The following ZNF608 variants were observed in gnomAD, a reference collection of about 807,000 sequenced individuals.
ZNF608 encodes the protein renal carcinoma antigen NY-REN-36.
ZNF608 carries 12 observed loss-of-function variants against 109.0 expected under a neutral mutation model. The observed-to-expected ratio is 0.11, with a 90% CI of 0.07 to 0.18. The LOEUF is 0.18. Ranked by LOEUF, ZNF608 falls within the 10% of genes least tolerant of loss-of-function variation. The pLI is 1.00. For synonymous variants in ZNF608, 732 were observed against 717.4 expected (o/e 1.02, Z -0.33); for missense variants, 1,707 against 1,879.3 (o/e 0.91, Z 1.70).
chr5:124,641,403 A>C lies in ZNF608; in HGVS notation c.4299T>G (p.Pro1433=). 2 of 1,602,882 alleles carry C rather than the reference A, an allele frequency of 1.2e-6. No homozygotes were observed. Among genetic ancestry groups the C allele is most frequent in the Non-Finnish European group, 1.7e-6 (2 of 1,172,590 alleles). ...CCCGCTCAGCTGTAGCCTTTTCCACAGGCTGCAACAGAAAAGAGAAATTTT... is the reference window on the plus strand; with the variant it reads ...CCCGCTCAGCTGTAGCCTTTTCCACCGGCTGCAACAGAAAAGAGAAATTTT... ...ANQYRSKSPA[P]VEKATAERER... Residue 1433 remains proline (P), a splice_region_variant and synonymous_variant, in exon 8 of 10, where the codon CCT becomes CCG. Transcript: ENST00000513986.
chr5:124,717,615 A>C (rs1753755783), intron 2 of ZNF608, among the ~76,000 whole-genome samples: 1 of 152,262 alleles, frequency 6.6e-6, no homozygotes, highest in Non-Finnish European at 1.5e-5. Context: ...CTCTGAAACA[A>C]TACAGTCCAA....
chr5:124,746,343 C>T lies in ZNF608; in HGVS notation c.-332G>A. 1.0e-6 allele frequency: 1 copy of T among 985,310 alleles called. No homozygotes were observed. The allele number at this position is 985,310 out of a possible 1,614,324, so 61.0% of individuals were successfully genotyped here. A position where few individuals can be genotyped will look rare whatever the true frequency, so the allele number is the denominator to read the frequency against. On this transcript the variant is annotated 5_prime_UTR_variant, in exon 1 of 10. Coordinates refer to ENST00000513986, the MANE Select transcript of ZNF608 (RefSeq NM_020747.3). Reference sequence around the variant, plus strand: ...AATAACACATCTCAGCCAGAATAATCACTCGATAACATTATTCCACCTCCC... The same window carrying T: ...AATAACACATCTCAGCCAGAATAATTACTCGATAACATTATTCCACCTCCC...
intron 3 of ZNF608, among the ~76,000 whole-genome samples, chr5:124,677,355 T>C (rs1751986544): frequency 6.6e-6 from 1 of 152,198 alleles, no homozygotes; most frequent in Admixed American, 6.5e-5. Context: ...TGAGGAGCCA[T>C]GGGAAACTGG....
chr5:124,660,976 C>A (rs1751233759), intron 3 of ZNF608, among the ~76,000 whole-genome samples: 3 of 152,186 alleles, frequency 2.0e-5, no homozygotes, highest in Admixed American at 2.0e-4. Flanking sequence ...GGTGACCAGG[C>A]TTACTATAAA....
intron 3 of ZNF608, among the ~76,000 whole-genome samples, chr5:124,660,172 C>CTGTGTG (rs35200784): frequency 6.0e-5 from 9 of 150,262 alleles, no homozygotes; most frequent in African/African-American, 2.0e-4. Flanking sequence ...TCTCTTAACT[C>CTGTGTG]TGTGTGTGTG....
rs1193897195 is a variant in ZNF608 at position 124,647,582 on chromosome 5, T to C, written c.2802A>G (p.Thr934=). ...QNGAESSAAK[T]SSPAYSDISD... is the part of the protein sequence containing the mutation. ...ATATGTCTGAATAGGCCGGGCTGCT[T>C]GTCTTTGCAGCTGAACTCTCTGCCC... Residue 934 remains threonine, a synonymous_variant, in exon 5 of 10, where the codon ACA becomes ACG. Coordinates refer to ENST00000513986, the MANE Select transcript of ZNF608 (RefSeq NM_020747.3). 1 of 1,614,234 alleles carries C rather than the reference T, an allele frequency of 6.2e-7. No individual in the cohort carries two copies. The highest frequency in any genetic ancestry group is 2.2e-5 in the East Asian group (1 of 44,886).
intron 2 of ZNF608, among the ~76,000 whole-genome samples, chr5:124,739,403 G>C (rs543189510): frequency 4.6e-5 from 7 of 152,304 alleles, no homozygotes; most frequent in Admixed American, 3.9e-4. Flanking sequence ...GTAAACACCA[G>C]TCCACAGCAA....
At chr5:124,740,220 T>C (rs1749327472) in intron 2 of ZNF608, among the ~76,000 whole-genome samples, 1 of 152,112 alleles carries the variant, frequency 6.6e-6, no homozygotes, top group Non-Finnish European at 1.5e-5. Context: ...ATTACACAAA[T>C]ACCTAAGTTC....
At chr5:124,709,747 T>C (rs1753415708) in intron 2 of ZNF608, among the ~76,000 whole-genome samples, 1 of 152,226 alleles carries the variant, frequency 6.6e-6, no homozygotes, top group Non-Finnish European at 1.5e-5. Flanking sequence ...TCATATCTTG[T>C]TCATAAGAGT....
intron 3 of ZNF608, among the ~76,000 whole-genome samples, chr5:124,682,369 G>A (rs113373480): frequency 0.052 from 7,892 of 152,290 alleles, 638 homozygotes; most frequent in African/African-American, 0.17. Context: ...CACTGTGCCC[G>A]GCCTACCATG....
At position 124,745,121 on chromosome 5, in the gene ZNF608, C is replaced by G. The variant is rs978840478; in HGVS notation, c.-132G>C. The stretch of plus-strand genomic sequence containing the variant: ...TCTAATCTTCCTCTTCTTTTTCCTG[C>G]CCCACGAATGTGTCCAGGGATTTTA... On this transcript the variant is annotated 5_prime_UTR_variant, in exon 2 of 10. Coordinates refer to ENST00000513986, the MANE Select transcript of ZNF608 (RefSeq NM_020747.3). 6.9e-7 allele frequency: 1 copy of G among 1,444,778 alleles called. No homozygotes were observed. Among genetic ancestry groups the G allele is most frequent in the African/African-American group, 1.4e-5 (1 of 69,800 alleles). 89.5% of individuals were successfully genotyped at this position (1,444,778 alleles called of 1,614,324 possible).
chr5:124,661,796 C>G (rs1751275038), intron 3 of ZNF608, among the ~76,000 whole-genome samples: 1 of 152,362 alleles, frequency 6.6e-6, no homozygotes, highest in Non-Finnish European at 1.5e-5. Flanking sequence ...CAGTCACACA[C>G]AGCCAGCTAA....
Position 124,700,995 on chromosome 5 carries a change from A to G in ZNF608, c.1162+19T>C. 1.2e-6 allele frequency: 2 copies of G among 1,611,906 alleles called. No homozygotes were observed. The highest frequency in any genetic ancestry group is 1.3e-5 in the African/African-American group (1 of 74,944). ...GGGAAGAGGGCATCGGGAAATATAT[A>G]AAAATAAATTGTATTTACCTTCTTC... On this transcript the variant is annotated intron_variant, in intron 3 of 9. Coordinates refer to ENST00000513986, the MANE Select transcript of ZNF608 (RefSeq NM_020747.3).
At chr5:124,732,541 G>T (rs921113861) in intron 2 of ZNF608, among the ~76,000 whole-genome samples, 29 of 134,818 alleles carry the variant, frequency 2.2e-4, no homozygotes, top group East Asian at 6.4e-4. Flanking sequence ...TTTTTTGTTT[G>T]TTCAAAAAAA....
At chr5:124,685,448 C>T (rs1752369365) in intron 3 of ZNF608, among the ~76,000 whole-genome samples, 1 of 152,158 alleles carries the variant, frequency 6.6e-6, no homozygotes, top group Admixed American at 6.5e-5. Flanking sequence ...TCTGTAAACA[C>T]CAGACTATTC....
chr5:124,683,142 A>C (rs368536755), intron 3 of ZNF608, among the ~76,000 whole-genome samples: 1 of 152,154 alleles, frequency 6.6e-6, no homozygotes, highest in Non-Finnish European at 1.5e-5. Flanking sequence ...GTGAGGAATT[A>C]AAGCCTGCCA....
rs536406229 is a variant in ZNF608, at chr5:124,638,412, A to G, written c.4533-506T>C. Among the ~76,000 whole-genome samples, 525 of 151,544 alleles carry G rather than the reference A, an allele frequency of 3.5e-3. 2 individuals carry two copies. The highest frequency in any genetic ancestry group is 0.012 in the African/African-American group (513 of 41,260). Reference sequence around the variant, plus strand: ...GCTGGAATTACAGACGCACACCACCACGCCCAGCTAATTTTTGTATTTTTA... The same window carrying G: ...GCTGGAATTACAGACGCACACCACCGCGCCCAGCTAATTTTTGTATTTTTA... On this transcript the variant is annotated intron_variant, in intron 9 of 9. Coordinates refer to ENST00000513986, the MANE Select transcript of ZNF608 (RefSeq NM_020747.3).
intron 1 of ZNF608, among the ~76,000 whole-genome samples, chr5:124,745,608 A>C (rs1024293115): frequency 6.6e-6 from 1 of 152,202 alleles, no homozygotes; most frequent in Non-Finnish European, 1.5e-5. Flanking sequence ...TAGATCTTGC[A>C]ATTTAGAAGA....
At chr5:124,660,611 C>A (rs1327486987) in intron 3 of ZNF608, among the ~76,000 whole-genome samples, 1 of 152,200 alleles carries the variant, frequency 6.6e-6, no homozygotes, top group African/African-American at 2.4e-5. Flanking sequence ...GGCAGACTCA[C>A]CTGTTCACAA....
Sources: gnomAD v4.1 joint callset for allele counts (sites outside exome capture counted in the v4.1 genomes callset) on GRCh38, gnomAD v4.1.1 for gene constraint, MANE v1.5 for transcripts, NCBI Gene and HGNC (gene_info 2026-07-23, HGNC 2026-07-21) for gene names.